The following GRIA3 variants were observed in gnomAD, a reference collection of about 807,000 sequenced individuals.
GRIA3 encodes the protein glutamate receptor 3.
GRIA3 carries 3 observed loss-of-function variants against 63.0 expected under a neutral mutation model. The observed-to-expected ratio is 0.05, with a 90% CI of 0.02 to 0.12. GRIA3 has a LOEUF of 0.12. Among genes scored for constraint, GRIA3 ranks in the 10% least tolerant of loss-of-function variants. The pLI is 1.00. For missense variants in GRIA3, 347 were observed against 700.9 expected, an observed-to-expected ratio of 0.50 and a Z score of 5.70; for synonymous variants, 274 against 257.9, an observed-to-expected ratio of 1.06 and a Z score of -0.60.
At chrX:123,438,771 C>T (rs1000347059) in intron 12 of GRIA3, among the ~76,000 whole-genome samples, 3 of 112,833 alleles carry the variant, frequency 2.7e-5, no homozygotes, top group African/African-American at 6.4e-5. Flanking sequence ...TCCCAAAGTG[C>T]TGGGATTACA....
At chrX:123,258,996 T>C (rs192764442) in intron 3 of GRIA3, among the ~76,000 whole-genome samples, 1 of 112,527 alleles carries the variant, frequency 8.9e-6, no homozygotes, top group East Asian at 2.8e-4. Flanking sequence ...ATCTCAGCTC[T>C]GAGAAGTTGA....
At chrX:123,421,719 C>T (rs1025335872) in intron 11 of GRIA3, among the ~76,000 whole-genome samples, 1 of 112,079 alleles carries the variant, frequency 8.9e-6, no homozygotes, top group African/African-American at 3.2e-5. Context: ...CACCTTCCCT[C>T]AGCTCCCACT....
intron 2 of GRIA3, among the ~76,000 whole-genome samples, chrX:123,223,251 TC>T (rs1162299784): frequency 8.8e-6 from 1 of 113,077 alleles, no homozygotes; most frequent in Non-Finnish European, 1.9e-5. Flanking sequence ...GGAATTGATT[TC>T]TTCTTCCTTT....
At chrX:123,378,601 G>C (rs1413592216) in intron 5 of GRIA3, among the ~76,000 whole-genome samples, 2 of 109,412 alleles carry the variant, frequency 1.8e-5, no homozygotes, top group Non-Finnish European at 3.8e-5. Context: ...GTAGAGATGA[G>C]GGTTTCAGCA....
intron 12 of GRIA3, among the ~76,000 whole-genome samples, chrX:123,446,731 C>T (rs1460106406): frequency 9.0e-6 from 1 of 111,673 alleles, no homozygotes; most frequent in Admixed American, 9.5e-5. Context: ...TTCCTTAGTT[C>T]GTTGAATTAA....
At chrX:123,204,397 A>G (rs747208328) in intron 2 of GRIA3, 100 of 1,153,722 alleles carry the variant, frequency 8.7e-5, no homozygotes, top group Non-Finnish European at 1.1e-4. Context: ...TTTCCTGTTC[A>G]AGGCGTTACA....
chrX:123,348,566 G>T (rs1384728302), intron 4 of GRIA3, among the ~76,000 whole-genome samples: 1 of 111,605 alleles, frequency 9.0e-6, no homozygotes, highest in African/African-American at 3.3e-5. Context: ...GGTACTCCAA[G>T]AACAGCATTT....
chrX:123,316,476 G>A (rs1012686569), intron 3 of GRIA3, among the ~76,000 whole-genome samples: 1 of 112,225 alleles, frequency 8.9e-6, no homozygotes, highest in Non-Finnish European at 1.9e-5. Flanking sequence ...CAATCTGGCA[G>A]TATGTATCAA....
At chrX:123,390,386 T>G (rs1008592116) in intron 5 of GRIA3, among the ~76,000 whole-genome samples, 2 of 112,320 alleles carry the variant, frequency 1.8e-5, no homozygotes, top group African/African-American at 6.5e-5. Context: ...GCAACTTTCT[T>G]CAGTATAGTA....
chrX:123,314,782 C>G (rs2044820690), intron 3 of GRIA3, among the ~76,000 whole-genome samples: 1 of 112,240 alleles, frequency 8.9e-6, no homozygotes, highest in African/African-American at 3.2e-5. Context: ...CAAGGTTACA[C>G]TTGACTAGTA....
At chrX:123,331,086 T>G (rs893849929) in intron 4 of GRIA3, among the ~76,000 whole-genome samples, 2 of 112,028 alleles carry the variant, frequency 1.8e-5, no homozygotes, top group African/African-American at 6.5e-5. Context: ...CATAGAAAAT[T>G]TACAGACAAG....
intron 15 of GRIA3, among the ~76,000 whole-genome samples, chrX:123,484,452 T>C (rs973176374): frequency 1.8e-5 from 2 of 111,167 alleles, no homozygotes; most frequent in Non-Finnish European, 3.8e-5. Flanking sequence ...TTGTTGTTGT[T>C]TTGTTTTGGG....
chrX:123,364,467 T>C (rs1273155809), intron 5 of GRIA3, among the ~76,000 whole-genome samples: 2 of 112,238 alleles, frequency 1.8e-5, no homozygotes, highest in Admixed American at 1.9e-4. Flanking sequence ...TTTCACTAAT[T>C]GAAAATGTTA....
chrX:123,429,881 G>T (rs1006126432), intron 12 of GRIA3, among the ~76,000 whole-genome samples: 2 of 111,992 alleles, frequency 1.8e-5, no homozygotes, highest in African/African-American at 6.5e-5. Flanking sequence ...GCTTTAAATG[G>T]TAATCAATAA....
intron 5 of GRIA3, among the ~76,000 whole-genome samples, chrX:123,374,820 G>A (rs764924970): frequency 1.8e-5 from 2 of 111,884 alleles, no homozygotes; most frequent in African/African-American, 3.2e-5. Flanking sequence ...TGACTTCCTC[G>A]TTTCCTAACT....
chrX:123,329,916 A>G (rs1272999742), intron 4 of GRIA3, among the ~76,000 whole-genome samples: 2 of 111,904 alleles, frequency 1.8e-5, no homozygotes, highest in African/African-American at 6.5e-5. Flanking sequence ...CCTCCACCAC[A>G]GTAATATATA....
rs2045661123 is a variant in GRIA3, at chrX:123,439,342, T to C, written c.2076+11203T>C. On this transcript the variant is annotated intron_variant, in intron 12 of 15. Transcript: ENST00000620443. ...CCAGTCCTGATTGCATGAATCTATC[T>C]ATAAGCTGCCCTCAAAACTGATCTT... is the stretch of plus-strand genomic sequence containing the variant. 4.5e-5 allele frequency among the ~76,000 whole-genome samples: 5 copies of C among 111,943 alleles called. No individual in the cohort carries two copies. In the Admixed American group the frequency reaches 4.7e-4, roughly 11 times the overall value.
At chrX:123,483,088 G>A (rs1465993855) in intron 15 of GRIA3, 42 bp downstream of exon 15, 2 of 1,041,565 alleles carry the variant, frequency 1.9e-6, no homozygotes, top group Non-Finnish European at 2.7e-6. Context: ...TTACTTTACT[G>A]TATGTCAATC....
intron 12 of GRIA3, among the ~76,000 whole-genome samples, chrX:123,431,095 G>A (rs749053656): frequency 1.8e-5 from 2 of 109,610 alleles, no homozygotes; most frequent in Admixed American, 1.9e-4. Context: ...AACTTCAGAG[G>A]ATGAAACAAG....
Sources: allele counts gnomAD v4.1 joint callset (sites outside exome capture counted in the v4.1 genomes callset), GRCh38; gene constraint gnomAD v4.1.1; transcripts MANE v1.5; gene names NCBI Gene and HGNC (gene_info 2026-07-23, HGNC 2026-07-21).